The following RNF130 variants were observed in gnomAD, a reference collection of about 807,000 sequenced individuals.
RNF130 encodes ring finger protein 130.
RNF130 carries 21 observed loss-of-function variants against 44.6 expected under a neutral mutation model. The ratio of observed to expected loss-of-function variants is 0.47; its 90% CI spans 0.33 to 0.68. The LOEUF (loss-of-function observed/expected upper bound fraction) is 0.68, where lower values mean the gene tolerates loss of function less well. RNF130 is among the 30% of genes least tolerant of loss of function. RNF130 has a pLI of 0.02. For synonymous variants in RNF130, 214 were observed against 210.4 expected, an observed-to-expected ratio of 1.02 and a Z score of -0.15; for missense variants, 479 against 560.6, an observed-to-expected ratio of 0.85 and a Z score of 1.47.
chr5:179,959,131 A>C (rs980979907), intron 8 of RNF130, among the ~76,000 whole-genome samples: 1 of 152,150 alleles, frequency 6.6e-6, no homozygotes, highest in African/African-American at 2.4e-5. Flanking sequence ...GGTAAAAGAG[A>C]CCAGTGCAGG....
chr5:180,058,888 T>C (rs1276413241), intron 1 of RNF130, among the ~76,000 whole-genome samples: 2 of 152,188 alleles, frequency 1.3e-5, no homozygotes, highest in Non-Finnish European at 2.9e-5. Context: ...GTTTCCATTT[T>C]GCAAGACAAA....
intron 7 of RNF130, among the ~76,000 whole-genome samples, chr5:179,966,313 C>A (rs1191311822): frequency 6.6e-6 from 1 of 152,112 alleles, no homozygotes; most frequent in Non-Finnish European, 1.5e-5. Flanking sequence ...AGAGACCAAA[C>A]TTCCATAAAA....
At chr5:179,986,142 C>T (rs530214702) in intron 3 of RNF130, among the ~76,000 whole-genome samples, 1 of 152,156 alleles carries the variant, frequency 6.6e-6, no homozygotes, top group East Asian at 1.9e-4. Flanking sequence ...TATAGAAATC[C>T]TGCACCCACA....
intron 1 of RNF130, among the ~76,000 whole-genome samples, chr5:180,049,181 C>T (rs1033743978): frequency 5.3e-5 from 8 of 152,200 alleles, no homozygotes; most frequent in Non-Finnish European, 1.2e-4. Flanking sequence ...AAGAAAGCTT[C>T]TTTGGTTTCC....
chr5:180,065,362 C>T (rs1290594476), intron 1 of RNF130, among the ~76,000 whole-genome samples: 1 of 152,162 alleles, frequency 6.6e-6, no homozygotes, highest in Non-Finnish European at 1.5e-5. Context: ...TTAACACAAT[C>T]GTAGTTCACA....
chr5:179,939,125 G>A (rs943483595), intron 7 of RNF130, among the ~76,000 whole-genome samples: 2 of 152,130 alleles, frequency 1.3e-5, no homozygotes, highest in African/African-American at 2.4e-5. Context: ...GCTGAGGCAG[G>A]AGAATCGCTT....
At chr5:179,948,753 A>C (rs1193815094) in intron 7 of RNF130, among the ~76,000 whole-genome samples, 1 of 152,206 alleles carries the variant, frequency 6.6e-6, no homozygotes, top group Non-Finnish European at 1.5e-5. Flanking sequence ...TAAAAAGTCA[A>C]GGAAGCTTCA....
chr5:179,915,727 G>A (rs1761535445), exon 8 of RNF130: 1 of 152,238 alleles, frequency 6.6e-6, no homozygotes, highest in African/African-American at 2.4e-5. Context: ...ACAGAGACAG[G>A]AGTCTGGTCT....
At chr5:180,069,162 A>G (rs574272738) in intron 1 of RNF130, among the ~76,000 whole-genome samples, 1 of 152,364 alleles carries the variant, frequency 6.6e-6, no homozygotes, top group South Asian at 2.1e-4. Context: ...GATTTCATAT[A>G]AACCCATAGG....
chr5:180,058,292 A>T (rs1764885576), intron 1 of RNF130, among the ~76,000 whole-genome samples: 1 of 152,110 alleles, frequency 6.6e-6, no homozygotes, highest in South Asian at 2.1e-4. Flanking sequence ...ACGGTTGTGT[A>T]TTTTTCAGTG....
At chr5:179,941,028 C>T (rs917734721) in intron 7 of RNF130, among the ~76,000 whole-genome samples, 3 of 152,140 alleles carry the variant, frequency 2.0e-5, no homozygotes, top group Admixed American at 6.5e-5. Context: ...TTTCAGTCCT[C>T]GCATTTCCTT....
chr5:179,961,155 C>T (rs1002944320), intron 8 of RNF130, among the ~76,000 whole-genome samples: 2 of 151,716 alleles, frequency 1.3e-5, no homozygotes, highest in African/African-American at 2.4e-5. Flanking sequence ...TTGAAGAAGA[C>T]GTTGCCCCAG....
Position 179,968,922 on chromosome 5 carries a change from G to A in RNF130, c.945+1488C>T, listed in dbSNP as rs550258819. Reference sequence around the variant, plus strand: ...CCAGTCCATGGTGTCACTAATGCCCGATACTTTGAGAAATCCCATCACTAC... The same window carrying A: ...CCAGTCCATGGTGTCACTAATGCCCAATACTTTGAGAAATCCCATCACTAC... On this transcript the variant is annotated intron_variant, in intron 6 of 8. Transcript: ENST00000521389. 4.7e-4 allele frequency among the ~76,000 whole-genome samples: 72 copies of A among 152,286 alleles called. No individual in the cohort carries two copies. In the South Asian group the frequency reaches 6.8e-3, roughly 14 times the overall value.
intron 7 of RNF130, among the ~76,000 whole-genome samples, chr5:179,948,786 A>T (rs981557538): frequency 2.0e-5 from 3 of 152,178 alleles, no homozygotes; most frequent in Non-Finnish European, 4.4e-5. Context: ...AATTATTTTT[A>T]AAGTCTAAAG....
intron 3 of RNF130, among the ~76,000 whole-genome samples, chr5:180,006,997 T>A (rs1561689546): frequency 6.6e-6 from 1 of 152,216 alleles, no homozygotes; most frequent in African/African-American, 2.4e-5. Flanking sequence ...GATTCTTATA[T>A]CACATGCAAA....
chr5:180,060,756 G>A (rs1290486973), intron 1 of RNF130, among the ~76,000 whole-genome samples: 1 of 152,126 alleles, frequency 6.6e-6, no homozygotes, highest in Non-Finnish European at 1.5e-5. Flanking sequence ...AAAGCAAAAG[G>A]CTAAGAACCA....
At chr5:180,064,075 G>C (rs1765044182) in intron 1 of RNF130, among the ~76,000 whole-genome samples, 1 of 152,158 alleles carries the variant, frequency 6.6e-6, no homozygotes, top group South Asian at 2.1e-4. Flanking sequence ...AACACTATGA[G>C]CTAGGCAACG....
chr5:180,055,463 T>C (rs1470706887), intron 1 of RNF130, among the ~76,000 whole-genome samples: 23 of 150,946 alleles, frequency 1.5e-4, no homozygotes, highest in Non-Finnish European at 2.7e-4. Flanking sequence ...CGTGTGTGTG[T>C]GTGTGTGCGC....
intron 3 of RNF130, among the ~76,000 whole-genome samples, chr5:180,010,097 A>G (rs1763556153): frequency 6.6e-6 from 1 of 151,962 alleles, no homozygotes; most frequent in Non-Finnish European, 1.5e-5. Context: ...AATACAAAAA[A>G]TTAGCCAGGC....
Sources: gnomAD v4.1 joint callset for allele counts (sites outside exome capture counted in the v4.1 genomes callset) on GRCh38, gnomAD v4.1.1 for gene constraint, MANE v1.5 for transcripts, NCBI Gene and HGNC (gene_info 2026-07-23, HGNC 2026-07-21) for gene names.